Variants in LINGO2 observed in about 807,000 individuals in gnomAD.
LINGO2 encodes leucine rich repeat and Ig domain containing 2.
LINGO2 carries 14 observed loss-of-function variants against 30.6 expected under a neutral mutation model. That is an observed-to-expected ratio of 0.46 (90% confidence interval 0.30 to 0.72). The LOEUF (loss-of-function observed/expected upper bound fraction) is 0.72. Ranked by LOEUF, LINGO2 falls within the 30% of genes least tolerant of loss-of-function variation. The pLI is 0.07. For synonymous variants in LINGO2, 317 were observed against 288.5 expected (o/e 1.10, Z -1.00); for missense variants, 729 against 751.7 (o/e 0.97, Z 0.35).
chr9:28,296,038 C>T (rs1823908725), intron 3 of LINGO2, among the ~76,000 whole-genome samples: 1 of 152,082 alleles, frequency 6.6e-6, no homozygotes, highest in African/African-American at 2.4e-5. Context: ...AGTGGGTACA[C>T]AAAGGAATGA....
the LINGO2 span, among the ~76,000 whole-genome samples, chr9:29,026,555 A>G: frequency 0.022 from 3,321 of 152,210 alleles, 116 homozygotes; most frequent in African/African-American, 0.074. Flanking sequence ...ATGTAGAAAA[A>G]ACAGTATAGA....
chr9:27,982,164 G>T (rs182236881), intron 5 of LINGO2, among the ~76,000 whole-genome samples: 8 of 151,848 alleles, frequency 5.3e-5, no homozygotes, highest in African/African-American at 1.4e-4. Context: ...GAGCATTTTA[G>T]TGAAGAGTAC....
At chr9:28,265,112 G>GT (rs545364817) in intron 4 of LINGO2, among the ~76,000 whole-genome samples, 68 of 151,884 alleles carry the variant, frequency 4.5e-4, no homozygotes, top group African/African-American at 1.6e-3. Context: ...CCCCACAATT[G>GT]TAAGAGCTAA....
At chr9:28,892,308 C>G in the LINGO2 span, among the ~76,000 whole-genome samples, 21 of 151,918 alleles carry the variant, frequency 1.4e-4, no homozygotes, top group Non-Finnish European at 2.5e-4. Flanking sequence ...TATGCCCATA[C>G]ACTTTACAGA....
At chr9:28,172,473 C>A (rs1828631697) in intron 4 of LINGO2, among the ~76,000 whole-genome samples, 1 of 152,036 alleles carries the variant, frequency 6.6e-6, no homozygotes, top group Non-Finnish European at 1.5e-5. Flanking sequence ...AAGAACCCTA[C>A]ATAGAAGAAA....
At chr9:28,062,606 AAAAT>A (rs1825186123) in intron 4 of LINGO2, among the ~76,000 whole-genome samples, 1 of 145,102 alleles carries the variant, frequency 6.9e-6, no homozygotes, top group Non-Finnish European at 1.5e-5. Flanking sequence ...GTATATATAC[AAAAT>A]CAAATATATA....
the LINGO2 span, among the ~76,000 whole-genome samples, chr9:28,929,401 G>C: frequency 1.3e-5 from 2 of 152,232 alleles, no homozygotes; most frequent in Non-Finnish European, 2.9e-5. Flanking sequence ...TAAAATGTTA[G>C]CCTCAGGCTG....
At chr9:28,506,138 A>G (rs939410949) in intron 1 of LINGO2, among the ~76,000 whole-genome samples, 2 of 151,570 alleles carry the variant, frequency 1.3e-5, no homozygotes, top group Non-Finnish European at 3.0e-5. Context: ...TCACAGCAAC[A>G]TACCATCTCA....
At position 28,516,626 on chromosome 9, in the gene LINGO2, T is replaced by A. The variant is rs73441403; in HGVS notation, c.-364-40601A>T. Among the ~76,000 whole-genome samples the A allele has an allele frequency of 2.8e-3, 429 of 152,292 alleles. 2 individuals carry two copies. The highest frequency in any genetic ancestry group is 9.5e-3 in the African/African-American group (396 of 41,560). On this transcript the variant is annotated intron_variant, in intron 1 of 5. Coordinates refer to ENST00000379992, the Ensembl canonical transcript of LINGO2. ...TATCTACTTCATAGAAATGAAATTT[T>A]AAAAAAATTTAAAACCAAGGTGTAA...
At chr9:28,009,607 A>G (rs1822453422) in intron 5 of LINGO2, among the ~76,000 whole-genome samples, 1 of 152,200 alleles carries the variant, frequency 6.6e-6, no homozygotes, top group African/African-American at 2.4e-5. Context: ...AAACACATGA[A>G]AAAAATATTC....
intron 4 of LINGO2, among the ~76,000 whole-genome samples, chr9:28,054,779 G>A (rs938261657): frequency 6.6e-6 from 1 of 151,422 alleles, no homozygotes; most frequent in East Asian, 1.9e-4. Context: ...TCATATTCCA[G>A]GCTATAACTT....
At chr9:28,720,996 T>C in the LINGO2 span, among the ~76,000 whole-genome samples, 26 of 151,952 alleles carry the variant, frequency 1.7e-4, no homozygotes, top group Non-Finnish European at 2.9e-5. Context: ...AGATAGACTA[T>C]TTCCTGTTAA....
At chr9:28,355,297 A>C (rs55668602) in intron 3 of LINGO2, among the ~76,000 whole-genome samples, 15,954 of 40,714 alleles carry the variant, frequency 0.39, 1,662 homozygotes, top group East Asian at 0.6. Context: ...CTCTCTCTCT[A>C]TGTCTCTCTC....
At chr9:28,031,897 A>T (rs185006659) in intron 4 of LINGO2, among the ~76,000 whole-genome samples, 1 of 152,294 alleles carries the variant, frequency 6.6e-6, no homozygotes, top group African/African-American at 2.4e-5. Flanking sequence ...AATCCTCCTT[A>T]AAATACCTTC....
chr9:27,995,209 A>G (rs1419924930), intron 5 of LINGO2, among the ~76,000 whole-genome samples: 4 of 152,162 alleles, frequency 2.6e-5, no homozygotes, highest in African/African-American at 9.7e-5. Flanking sequence ...GTAAATCTGA[A>G]CAGACTAATA....
At chr9:28,652,110 T>G (rs1828129930) in intron 1 of LINGO2, among the ~76,000 whole-genome samples, 1 of 152,126 alleles carries the variant, frequency 6.6e-6, no homozygotes, top group African/African-American at 2.4e-5. Context: ...GCATATGCCT[T>G]TTTTCTATTC....
At chr9:29,169,131 A>G in the LINGO2 span, among the ~76,000 whole-genome samples, 35 of 152,124 alleles carry the variant, frequency 2.3e-4, no homozygotes, top group African/African-American at 8.0e-4. Flanking sequence ...TATTTTTAGT[A>G]GAGATGGGGT....
At chr9:28,554,944 C>T in intron 1 of LINGO2, among the ~76,000 whole-genome samples, 1 of 129,432 alleles carries the variant, frequency 7.7e-6, no homozygotes, top group African/African-American at 3.4e-5. Context: ...TTCTTTGAAA[C>T]CAACGAGAAC....
chr9:28,029,241 C>A (rs1392578639), intron 4 of LINGO2, among the ~76,000 whole-genome samples: 1 of 152,168 alleles, frequency 6.6e-6, no homozygotes, highest in African/African-American at 2.4e-5. Context: ...ATTACTATCA[C>A]TAGAGGCTAG....
Sources: gnomAD v4.1 joint callset for allele counts (sites outside exome capture counted in the v4.1 genomes callset) on GRCh38, gnomAD v4.1.1 for gene constraint, MANE v1.5 for transcripts, NCBI Gene and HGNC (gene_info 2026-07-23, HGNC 2026-07-21) for gene names.